WDR20: variants seen among roughly 807,000 people sequenced by gnomAD.
WDR20 encodes WD repeat domain 20.
Under a neutral mutation model 38.7 loss-of-function variants are expected in WDR20, and 3 were observed. That is an observed-to-expected ratio of 0.08 (90% CI 0.04 to 0.20). WDR20 has a LOEUF of 0.20. WDR20 is among the 10% of genes least tolerant of loss of function. The probability of loss-of-function intolerance (pLI) is 1.00; values close to 1 mark genes in which losing one functional copy is unlikely to be tolerated. For missense variants in WDR20, 559 were observed against 727.7 expected, an observed-to-expected ratio of 0.77 and a Z score of 2.67; for synonymous variants, 298 against 285.6, an observed-to-expected ratio of 1.04 and a Z score of -0.44.
chr14:102,197,709 TG>T, intron 2 of WDR20: 1 of 686,006 alleles, frequency 1.5e-6, no homozygotes, highest in Non-Finnish European at 2.7e-6. Context: ...GGGGAACCTT[TG>T]GCCTTTTAAT....
At chr14:102,141,807 TAA>T (rs2051309847) in intron 1 of WDR20, among the ~76,000 whole-genome samples, 1 of 152,154 alleles carries the variant, frequency 6.6e-6, no homozygotes, top group Non-Finnish European at 1.5e-5. Context: ...CTCAGGAAAT[TAA>T]GTTTAGAATT....
At chr14:102,158,672 T>C (rs2057991585) in intron 1 of WDR20, among the ~76,000 whole-genome samples, 1 of 152,148 alleles carries the variant, frequency 6.6e-6, no homozygotes, top group South Asian at 2.1e-4. Context: ...TTGATGACTG[T>C]ACTTCTTATT....
intron 1 of WDR20, among the ~76,000 whole-genome samples, chr14:102,183,013 G>A (rs896577941): frequency 2.6e-5 from 4 of 151,970 alleles, no homozygotes; most frequent in South Asian, 4.1e-4. Flanking sequence ...GCAGGGAGCC[G>A]AGATTGCGCT....
At chr14:102,217,535 C>G (rs989351508), downstream of WDR20, among the ~76,000 whole-genome samples, 2 of 152,220 alleles carry the variant, frequency 1.3e-5, no homozygotes, top group African/African-American at 4.8e-5. Flanking sequence ...GGTCCACTGC[C>G]CAGCTATAAC....
At chr14:102,156,253 C>T (rs1418539688) in intron 1 of WDR20, among the ~76,000 whole-genome samples, 1 of 151,540 alleles carries the variant, frequency 6.6e-6, no homozygotes, top group African/African-American at 2.4e-5. Context: ...CTGCAAGCTC[C>T]ACCTCCCGGG....
intron 1 of WDR20, among the ~76,000 whole-genome samples, chr14:102,187,525 C>T (rs1276541005): frequency 6.6e-6 from 1 of 151,526 alleles, no homozygotes; most frequent in African/African-American, 2.4e-5. Context: ...GCACAGGCAG[C>T]AGCCAAGGGT....
At chr14:102,203,808 G>GCC (rs2060975206) in intron 2 of WDR20, among the ~76,000 whole-genome samples, 1 of 152,038 alleles carries the variant, frequency 6.6e-6, no homozygotes. Flanking sequence ...TTATCATTGA[G>GCC]CACTGACTAA....
At chr14:102,171,127 T>G (rs1393350440) in intron 1 of WDR20, among the ~76,000 whole-genome samples, 2 of 152,040 alleles carry the variant, frequency 1.3e-5, no homozygotes, top group Non-Finnish European at 2.9e-5. Context: ...AATTTTTGTA[T>G]TTTTAGTAGT....
chr14:102,144,118 A>G (rs182345112), intron 1 of WDR20, among the ~76,000 whole-genome samples: 22 of 152,182 alleles, frequency 1.4e-4, no homozygotes, highest in Non-Finnish European at 2.9e-5. Context: ...TTAAGGTTAC[A>G]GTGAGCTATG....
At chr14:102,193,432 CATGTATATA>C in intron 1 of WDR20, 1 of 1,604,082 alleles carries the variant, frequency 6.2e-7, no homozygotes, top group Non-Finnish European at 8.5e-7. Context: ...AAGGCTCTTT[CATGTATATA>C]TTCTCTTATT....
intron 2 of WDR20, chr14:102,197,919 A>G: frequency 1.5e-6 from 1 of 661,866 alleles, no homozygotes; most frequent in Non-Finnish European, 2.8e-6. Context: ...TACCTACCAC[A>G]TGCCCAGCAC....
chr14:102,166,753 T>C (rs961741713), intron 1 of WDR20, among the ~76,000 whole-genome samples: 2 of 152,248 alleles, frequency 1.3e-5, no homozygotes, highest in Non-Finnish European at 2.9e-5. Flanking sequence ...TTATATGCCT[T>C]ACTGTCTTGT....
chr14:102,169,262 G>A (rs1286677957), intron 1 of WDR20, among the ~76,000 whole-genome samples: 1 of 152,156 alleles, frequency 6.6e-6, no homozygotes, highest in Admixed American at 6.5e-5. Context: ...CCCAAATGTG[G>A]TTCTGTGAAA....
Position 102,209,352 on chromosome 14 carries a change from C to G in WDR20, c.1182C>G (p.Leu394=). ...TEDILFPHQP[L]SRARTHTNVM... The stretch of plus-strand genomic sequence containing the variant: ...ATATCCTTTTCCCTCACCAACCCCT[C>G]TCAAGAGCAAGGACACACACAAATG... Residue 394 remains leucine, a synonymous_variant, in exon 3 of 3, where the codon CTC becomes CTG. Transcript: ENST00000342702. This position sits in a 1 kb window ranked among gnomAD's most constrained non-coding sequence, Gnocchi z 6.0. The G allele has an allele frequency of 6.2e-7, 1 of 1,614,200 alleles. No homozygotes were observed. The highest frequency in any genetic ancestry group is 2.2e-5 in the East Asian group (1 of 44,886).
At chr14:102,165,622 T>G (rs1596124197) in intron 1 of WDR20, among the ~76,000 whole-genome samples, 1 of 150,324 alleles carries the variant, frequency 6.7e-6, no homozygotes, top group Admixed American at 6.6e-5. Context: ...TTTTGTTTCT[T>G]TTTCTTTTCT....
At chr14:102,211,153 C>T (rs1261341797), downstream of WDR20, among the ~76,000 whole-genome samples, 1 of 152,154 alleles carries the variant, frequency 6.6e-6, no homozygotes, top group African/African-American at 2.4e-5. This position sits in a 1 kb window ranked among gnomAD's most constrained non-coding sequence, Gnocchi z 4.2. Context: ...GTGAGATGGC[C>T]CCTTGAACTA....
chr14:102,159,995 T>G (rs1247919253), intron 1 of WDR20, among the ~76,000 whole-genome samples: 1 of 152,138 alleles, frequency 6.6e-6, no homozygotes, highest in Non-Finnish European at 1.5e-5. Flanking sequence ...GTCCTGCTAC[T>G]TGGGAGGCTG....
intron 1 of WDR20, among the ~76,000 whole-genome samples, chr14:102,178,025 A>G (rs1450567734): frequency 6.6e-6 from 1 of 152,190 alleles, no homozygotes; most frequent in African/African-American, 2.4e-5. Flanking sequence ...GTGCCTTGGC[A>G]TCCTCATTTT....
downstream of WDR20, among the ~76,000 whole-genome samples, chr14:102,216,381 C>T (rs2063223612): frequency 6.6e-6 from 1 of 152,112 alleles, no homozygotes; most frequent in South Asian, 2.1e-4. Context: ...AAGCCTTGAC[C>T]TCCTGGGCTC....
Sources: allele counts gnomAD v4.1 joint callset (sites outside exome capture counted in the v4.1 genomes callset), GRCh38; gene constraint gnomAD v4.1.1; non-coding constraint Gnocchi (gnomAD v3.1); transcripts MANE v1.5; gene names NCBI Gene and HGNC (gene_info 2026-07-23, HGNC 2026-07-21).